DCP1B: variants seen among roughly 807,000 people sequenced by gnomAD.
DCP1B encodes decapping mRNA 1B.
A neutral mutation model predicts 60.5 loss-of-function variants in DCP1B; 47 were observed. That is an observed-to-expected ratio of 0.78 (90% CI 0.61 to 0.99). The LOEUF (loss-of-function observed/expected upper bound fraction) is 0.99, where lower values mean the gene tolerates loss of function less well. Among genes scored for constraint, DCP1B ranks in the 50% least tolerant of loss-of-function variants. The pLI, the probability that DCP1B is intolerant of heterozygous loss-of-function variation, is 0.00. For synonymous variants in DCP1B, 267 were observed against 280.3 expected (o/e 0.95, Z 0.47); for missense variants, 725 against 756.8 (o/e 0.96, Z 0.49).
intron 5 of DCP1B, among the ~76,000 whole-genome samples, chr12:1,957,058 T>G (rs2030909746): frequency 6.6e-6 from 1 of 152,234 alleles, no homozygotes. Context: ...CTTGCTTTTA[T>G]GTAACAATTG....
rs916363366 is a variant in DCP1B, at chr12:1,948,637, T to C, written c.1773+449A>G. Reference sequence around the variant, plus strand: ...TTGTAAAACATACCTGTAGCAGCCATGGCCATTATTTGCTTCCCTCCCTGT... The same window carrying C: ...TTGTAAAACATACCTGTAGCAGCCACGGCCATTATTTGCTTCCCTCCCTGT... On this transcript the variant is annotated intron_variant, in intron 8 of 8. Transcript: ENST00000280665. The surrounding 1 kb of genome is among the most constrained non-coding windows in gnomAD (Gnocchi z 4.8). Among the ~76,000 whole-genome samples, 8 of 152,310 alleles carry C rather than the reference T, an allele frequency of 5.3e-5. No homozygotes were observed. In the East Asian group the frequency reaches 1.5e-3, roughly 29 times the overall value.
intron 3 of DCP1B, among the ~76,000 whole-genome samples, chr12:1,970,445 C>T (rs764435317): frequency 7.2e-5 from 11 of 152,122 alleles, no homozygotes; most frequent in Non-Finnish European, 1.3e-4. Context: ...TTCTGGCTAC[C>T]GAAAAGAGGC....
intron 1 of DCP1B, among the ~76,000 whole-genome samples, chr12:2,003,887 T>C (rs995373064): frequency 2.6e-5 from 4 of 152,120 alleles, no homozygotes; most frequent in Non-Finnish European, 5.9e-5. Context: ...GCACTTTTAT[T>C]CGTCTGCTGT....
chr12:1,994,246 C>G (rs1003212243), intron 2 of DCP1B, among the ~76,000 whole-genome samples: 34 of 152,196 alleles, frequency 2.2e-4, no homozygotes, highest in Non-Finnish European at 7.3e-5. Context: ...CACACTGAAG[C>G]TGAAGCAAGC....
chr12:1,981,451 T>C lies in DCP1B; in HGVS notation c.319+11813A>G, dbSNP rs568875553. Among the ~76,000 whole-genome samples, 45 of 152,338 alleles carry C rather than the reference T, an allele frequency of 3.0e-4. No individual in the cohort carries two copies. The South Asian group carries it at 9.3e-3, about 32-fold the overall frequency. ...GGGGACTGGAAAGACACCTTTGCCC[T>C]GAAGGTGCCTGCACTCTAACAGAGA... On this transcript the variant is annotated intron_variant, in intron 3 of 8. Coordinates refer to ENST00000280665, the MANE Select transcript of DCP1B (RefSeq NM_152640.5).
At chr12:1,966,723 T>C (rs1174150659) in intron 4 of DCP1B, among the ~76,000 whole-genome samples, 1 of 152,208 alleles carries the variant, frequency 6.6e-6, no homozygotes, top group African/African-American at 2.4e-5. Flanking sequence ...GTAACATGAA[T>C]GTTCTAGGAA....
chr12:1,985,658 A>G (rs2037482944), intron 3 of DCP1B, among the ~76,000 whole-genome samples: 1 of 152,102 alleles, frequency 6.6e-6, no homozygotes, highest in East Asian at 1.9e-4. Flanking sequence ...TGCACCCTGG[A>G]CATTTTTATT....
chr12:1,967,247 A>G (rs2031325528), intron 4 of DCP1B, among the ~76,000 whole-genome samples: 1 of 152,218 alleles, frequency 6.6e-6, no homozygotes, highest in Non-Finnish European at 1.5e-5. Flanking sequence ...ACAAATCACA[A>G]GGTATCATAA....
Position 1,985,035 on chromosome 12 carries a change from TA to T in DCP1B, c.319+8228del, listed in dbSNP as rs796830744. On this transcript the variant is annotated intron_variant, in intron 3 of 8. Coordinates refer to ENST00000280665, the MANE Select transcript of DCP1B (RefSeq NM_152640.5). ...GTTTTCTCTGGTTTGCTTTCAAGAT[TA>T]AAAAAAAAAAAAAATCTTTGTTTTT... is the stretch of plus-strand genomic sequence containing the variant. Among the ~76,000 whole-genome samples the T allele has an allele frequency of 8.0e-3, 1,134 of 141,954 alleles. 2 individuals carry two copies. The highest frequency in any genetic ancestry group is 0.014 in the Middle Eastern group (4 of 278). 93.1% of individuals were successfully genotyped at this position (141,954 alleles called of 152,430 possible). A position where few individuals can be genotyped will look rare whatever the true frequency, so the allele number is the denominator to read the frequency against.
downstream of DCP1B, among the ~76,000 whole-genome samples, chr12:1,945,026 TCTG>T (rs1440629705): frequency 6.6e-6 from 1 of 152,188 alleles, no homozygotes; most frequent in Non-Finnish European, 1.5e-5. Flanking sequence ...TTTTTTGCAA[TCTG>T]CCCATCTGAC....
intron 3 of DCP1B, among the ~76,000 whole-genome samples, chr12:1,972,927 G>A (rs920497900): frequency 3.3e-5 from 5 of 152,202 alleles, no homozygotes. Context: ...AAACACTCGA[G>A]CAGCAATGAC....
intron 3 of DCP1B, chr12:1,992,976 C>T: frequency 3.3e-6 from 2 of 608,010 alleles, no homozygotes; most frequent in Non-Finnish European, 5.8e-6. Flanking sequence ...CTCACCCAGC[C>T]CTGCTCAGGC....
At chr12:1,973,328 C>A (rs1169209706) in intron 3 of DCP1B, among the ~76,000 whole-genome samples, 1 of 152,078 alleles carries the variant, frequency 6.6e-6, no homozygotes. Context: ...TACTCATGAA[C>A]ATTTTGGGGG....
intron 3 of DCP1B, among the ~76,000 whole-genome samples, chr12:1,979,660 C>T (rs2035548169): frequency 6.6e-6 from 1 of 152,196 alleles, no homozygotes; most frequent in Non-Finnish European, 1.5e-5. Flanking sequence ...GGATCATACG[C>T]TAGTTATATG....
At position 1,971,784 on chromosome 12, in the gene DCP1B, C is replaced by T. The variant is rs933261388; in HGVS notation, c.320-3874G>A. 1.3e-5 allele frequency among the ~76,000 whole-genome samples: 2 copies of T among 152,168 alleles called. No homozygotes were observed. Among genetic ancestry groups the T allele is most frequent in the Admixed American group, 6.5e-5 (1 of 15,268 alleles). ...CATGTTCTTTGGGGATTTGCCTTAT[C>T]TCATTTATGTTCCTAATAAATATTT... On this transcript the variant is annotated intron_variant, in intron 3 of 8. Transcript: ENST00000280665. The surrounding 1 kb of genome is among the most constrained non-coding windows in gnomAD (Gnocchi z 4.2).
chr12:1,972,588 C>T (rs1196333604), intron 3 of DCP1B, among the ~76,000 whole-genome samples: 1 of 152,202 alleles, frequency 6.6e-6, no homozygotes, highest in Non-Finnish European at 1.5e-5. Context: ...TGTGGTCTAA[C>T]AAGGTTAAAT....
chr12:1,985,781 G>A (rs2154470616), intron 3 of DCP1B, among the ~76,000 whole-genome samples: 1 of 152,250 alleles, frequency 6.6e-6, no homozygotes, highest in Non-Finnish European at 1.5e-5. Context: ...CTTGCTGCCT[G>A]TGGATGATGC....
In DCP1B at chr12:2,004,417, C is replaced by T. The variant is rs777796436; in HGVS notation, c.15G>A (p.Ala5=). The T allele has an allele frequency of 9.3e-6, 15 of 1,610,090 alleles. No individual in the cohort carries two copies. In the South Asian group the frequency reaches 1.2e-4, roughly 13 times the overall value. Residue 5 remains alanine (A), a synonymous_variant, in exon 1 of 9, where the codon GCG becomes GCA. Transcript: ENST00000280665. ...GCCCCTTTCCCACCAGGCCGCCTGCCGCCACGGCTGCCATCTTCCCTCCCT... is the reference window on the plus strand; with the variant it reads ...GCCCCTTTCCCACCAGGCCGCCTGCTGCCACGGCTGCCATCTTCCCTCCCT... MAAV[A]AGGLVGKGRD...
chr12:1,986,920 C>G (rs2037956011), intron 3 of DCP1B, among the ~76,000 whole-genome samples: 1 of 152,078 alleles, frequency 6.6e-6, no homozygotes, highest in Non-Finnish European at 1.5e-5. Context: ...TTGGATGATG[C>G]CAGAAGTTCA....
Sources: allele counts gnomAD v4.1 joint callset (sites outside exome capture counted in the v4.1 genomes callset), GRCh38; gene constraint gnomAD v4.1.1; non-coding constraint Gnocchi (gnomAD v3.1); transcripts MANE v1.5; gene names NCBI Gene and HGNC (gene_info 2026-07-23, HGNC 2026-07-21).